Variants in CDH8 observed in about 807,000 individuals in gnomAD.
CDH8 encodes the protein cadherin-8.
Under a neutral mutation model 68.1 loss-of-function variants are expected in CDH8, and 17 were observed. The ratio of observed to expected loss-of-function variants is 0.25; its 90% CI spans 0.17 to 0.37. The LOEUF (loss-of-function observed/expected upper bound fraction) is 0.37, where lower values mean the gene tolerates loss of function less well. CDH8 is among the 10% of genes least tolerant of loss of function. The pLI is 1.00. For missense variants in CDH8, 763 were observed against 999.3 expected, an observed-to-expected ratio of 0.76 and a Z score of 3.19; for synonymous variants, 372 against 365.1, an observed-to-expected ratio of 1.02 and a Z score of -0.21.
At chr16:61,775,507 C>G (rs181549114) in intron 8 of CDH8, among the ~76,000 whole-genome samples, 69 of 152,228 alleles carry the variant, frequency 4.5e-4, no homozygotes, top group African/African-American at 1.6e-3. Flanking sequence ...TGACACTTCT[C>G]TAGCCCTTCT....
intron 10 of CDH8, among the ~76,000 whole-genome samples, chr16:61,679,511 C>T (rs1963974748): frequency 6.6e-6 from 1 of 151,734 alleles, no homozygotes; most frequent in Admixed American, 6.6e-5. Context: ...TTTTCATGCC[C>T]GTAATAATGA....
chr16:61,986,059 G>T (rs1475983209), intron 2 of CDH8, among the ~76,000 whole-genome samples: 1 of 151,088 alleles, frequency 6.6e-6, no homozygotes, highest in Non-Finnish European at 1.5e-5. Context: ...GAATAGTTGG[G>T]ATTACAGGTG....
intron 2 of CDH8, among the ~76,000 whole-genome samples, chr16:61,966,411 G>A (rs929070381): frequency 2.0e-5 from 3 of 152,032 alleles, no homozygotes; most frequent in East Asian, 1.9e-4. Context: ...GGTGGTGTTC[G>A]CCTGTAGTCC....
intron 7 of CDH8, among the ~76,000 whole-genome samples, chr16:61,804,308 C>T (rs940711271): frequency 2.0e-4 from 31 of 152,102 alleles, no homozygotes; most frequent in African/African-American, 7.5e-4. Flanking sequence ...CTCTGGGACA[C>T]ATTCAAAACA....
chr16:61,834,816 A>G (rs1962533099), intron 4 of CDH8, among the ~76,000 whole-genome samples: 1 of 151,982 alleles, frequency 6.6e-6, no homozygotes, highest in Admixed American at 6.6e-5. Flanking sequence ...TTCATTTTCC[A>G]CAGGTGAAAA....
At chr16:61,779,736 C>T (rs189287566) in intron 8 of CDH8, among the ~76,000 whole-genome samples, 58 of 152,202 alleles carry the variant, frequency 3.8e-4, no homozygotes, top group African/African-American at 1.4e-3. Flanking sequence ...CAAAGTTCTG[C>T]TATGTTTATT....
intron 2 of CDH8, among the ~76,000 whole-genome samples, chr16:61,943,659 C>A (rs1382672623): frequency 6.6e-6 from 1 of 152,172 alleles, no homozygotes; most frequent in African/African-American, 2.4e-5. Context: ...AATATGTATT[C>A]TATTTTCCAT....
chr16:61,865,403 G>A (rs1182113416), intron 3 of CDH8, among the ~76,000 whole-genome samples: 9 of 152,152 alleles, frequency 5.9e-5, no homozygotes, highest in South Asian at 2.1e-4. Flanking sequence ...TTGAGCACAC[G>A]GATGTCTTCT....
At chr16:61,954,161 G>T (rs1042448964) in intron 2 of CDH8, among the ~76,000 whole-genome samples, 1 of 151,688 alleles carries the variant, frequency 6.6e-6, no homozygotes, top group Non-Finnish European at 1.5e-5. Flanking sequence ...TTCATGTCAG[G>T]GCTTCCCATA....
chr16:61,847,564 A>G (rs906658676), intron 4 of CDH8, among the ~76,000 whole-genome samples: 1 of 119,664 alleles, frequency 8.4e-6, no homozygotes, highest in East Asian at 2.4e-4. Context: ...ATATATATAT[A>G]TATATGTAAT....
intron 2 of CDH8, among the ~76,000 whole-genome samples, chr16:61,927,648 G>C (rs563629597): frequency 6.6e-6 from 1 of 152,186 alleles, no homozygotes; most frequent in East Asian, 1.9e-4. Flanking sequence ...CATGAGTAAT[G>C]TTGGGGTCAG....
At chr16:61,678,779 A>G (rs1360978398) in intron 10 of CDH8, among the ~76,000 whole-genome samples, 1 of 152,056 alleles carries the variant, frequency 6.6e-6, no homozygotes, top group Non-Finnish European at 1.5e-5. Flanking sequence ...AATTGTAGGA[A>G]GCCATATTCT....
intron 2 of CDH8, chr16:61,940,778 A>G (rs972347898): frequency 6.6e-6 from 1 of 152,208 alleles, no homozygotes; most frequent in African/African-American, 2.4e-5. Context: ...TGATGTAATC[A>G]TGTCTGGCTG....
intron 5 of CDH8, among the ~76,000 whole-genome samples, chr16:61,824,636 G>A (rs770181661): frequency 2.6e-5 from 4 of 151,758 alleles, no homozygotes; most frequent in Non-Finnish European, 5.9e-5. Context: ...TCCCTACCTC[G>A]GGCACTAGAG....
intron 2 of CDH8, among the ~76,000 whole-genome samples, chr16:62,015,385 T>A (rs565413947): frequency 6.6e-6 from 1 of 152,222 alleles, no homozygotes; most frequent in Admixed American, 6.5e-5. Context: ...TCAATGAACA[T>A]GTGGGGCATG....
At chr16:61,978,312 G>A (rs1447037679) in intron 2 of CDH8, among the ~76,000 whole-genome samples, 2 of 152,080 alleles carry the variant, frequency 1.3e-5, no homozygotes, top group Admixed American at 6.6e-5. Context: ...TCAAAGCTAC[G>A]ACCTTTCTCC....
At chr16:61,791,857 G>A (rs1407235392) in intron 7 of CDH8, among the ~76,000 whole-genome samples, 3 of 151,966 alleles carry the variant, frequency 2.0e-5, no homozygotes, top group African/African-American at 7.2e-5. Flanking sequence ...TATTACTTAT[G>A]TATTGCTGTT....
intron 5 of CDH8, among the ~76,000 whole-genome samples, chr16:61,822,945 G>GA (rs1362724688): frequency 6.6e-6 from 1 of 151,804 alleles, no homozygotes; most frequent in Non-Finnish European, 1.5e-5. Flanking sequence ...TTATCTCTAA[G>GA]AAAAGGCACA....
At position 61,655,432 on chromosome 16, in the gene CDH8, A is replaced by T. The variant is rs147771827; in HGVS notation, c.1906+38T>A. On this transcript the variant is annotated intron_variant, in intron 11 of 11. Transcript: ENST00000577390. Reference sequence around the variant, plus strand: ...TTATTTACAGTCATTTATGAATCAGAAAAAGGGTGACCGGTAGGCTATGAA... The same window carrying T: ...TTATTTACAGTCATTTATGAATCAGTAAAAGGGTGACCGGTAGGCTATGAA... 1,037 of 1,606,526 alleles carry T rather than the reference A, an allele frequency of 6.5e-4. 7 individuals carry two copies. In the African/African-American group the frequency reaches 0.012, roughly 19 times the overall value.
Sources: allele counts gnomAD v4.1 joint callset (sites outside exome capture counted in the v4.1 genomes callset), GRCh38; gene constraint gnomAD v4.1.1; transcripts MANE v1.5; gene names NCBI Gene and HGNC (gene_info 2026-07-23, HGNC 2026-07-21).